ZNF717: variants seen among roughly 807,000 people sequenced by gnomAD.
The protein encoded by ZNF717 is zinc finger protein 717.
In ZNF717, 9 loss-of-function variants were observed where a neutral mutation model predicts 13.8. That is an observed-to-expected ratio of 0.65 (90% CI 0.39 to 1.14). The LOEUF (loss-of-function observed/expected upper bound fraction) is 1.14. Ranked by LOEUF, ZNF717 falls within the 50% of genes most tolerant of loss-of-function variation. The pLI, the probability that ZNF717 is intolerant of heterozygous loss-of-function variation, is 0.01. For missense variants in ZNF717, 1,040 were observed against 1,080.7 expected (o/e 0.96, Z 0.53); for synonymous variants, 327 against 364.1 (o/e 0.90, Z 1.16).
At chr3:75,730,532 A>T (rs1938469065) in exon 6 of ZNF717, 10 of 684,012 alleles carry the variant, frequency 1.5e-5, no homozygotes, top group Admixed American at 1.3e-4. Context: ...TGGACACATC[A>T]TGTTTGAAAT....
At chr3:75,730,846 A>C (rs1938488559) in intron 5 of ZNF717, among the ~76,000 whole-genome samples, 1 of 152,272 alleles carries the variant, frequency 6.6e-6, no homozygotes, top group East Asian at 1.9e-4. Context: ...ACAATTCATC[A>C]TATTCAGAGT....
In ZNF717 at chr3:75,739,007, G is replaced by T. The variant is rs3009004; in HGVS notation, c.616C>A (p.Leu206Met). ...LTQHHKIQTLLQTFQCNEQGK... is the reference protein window; with the variant it reads ...LTQHHKIQTLMQTFQCNEQGK... ...TGTTCATTACATTGAAAAGTCTGCA[G>T]CAGAGTTTGAATCTTGTGATGCTGA... is the stretch of plus-strand genomic sequence containing the variant. Residue 206 changes from leucine to methionine, a missense_variant, in exon 5 of 5, where the codon CTG (leucine) becomes ATG (methionine). Around this residue, in one of 3 missense-constraint regions of ZNF717, gnomAD observed 873 missense variants for 832.8 expected, o/e 1.05. Coordinates refer to ENST00000652011, the MANE Select transcript of ZNF717 (RefSeq NM_001290208.3). 1 of 1,532,928 alleles carries T rather than the reference G, an allele frequency of 6.5e-7. No individual in the cohort carries two copies. Among genetic ancestry groups the T allele is most frequent in the African/African-American group, 1.4e-5 (1 of 72,132 alleles). The allele number at this position is 1,532,928 out of a possible 1,614,324, so 95.0% of individuals were successfully genotyped here.
exon 6 of ZNF717, chr3:75,709,666 T>C (rs1395119244): frequency 1.3e-5 from 2 of 152,214 alleles, no homozygotes; most frequent in Admixed American, 6.5e-5. Flanking sequence ...ACGGACTTTG[T>C]GCAAGGTTGT....
chr3:75,733,687 G>A (rs796922329), downstream of ZNF717, among the ~76,000 whole-genome samples: 66 of 144,878 alleles, frequency 4.6e-4, no homozygotes, highest in African/African-American at 1.3e-3. Context: ...GCTGAGGCAG[G>A]AGAATGGTAT....
intron 4 of ZNF717, among the ~76,000 whole-genome samples, chr3:75,718,738 T>C (rs1484773293): frequency 6.6e-6 from 1 of 152,158 alleles, no homozygotes; most frequent in Non-Finnish European, 1.5e-5. Flanking sequence ...TTGGGGTTCG[T>C]ACTCCTATGA....
At chr3:75,770,818 A>G (rs1943822400) in intron 2 of ZNF717, among the ~76,000 whole-genome samples, 1 of 152,204 alleles carries the variant, frequency 6.6e-6, no homozygotes, top group Admixed American at 6.5e-5. Flanking sequence ...GGAAAGACTA[A>G]AGAGGTCTAA....
Position 75,737,680 on chromosome 3 carries a change from A to T in ZNF717, c.1943T>A (p.Val648Glu), listed in dbSNP as rs1220427240. Reference protein sequence around the residue: ...QGTHTGEKPYVCNECGKTFHR... With the variant: ...QGTHTGEKPYECNECGKTFHR... ...AAAGGTTTTTCCACATTCATTACAT[A>T]CGTAAGGTTTCTCTCCTGTGTGAGT... is the stretch of plus-strand genomic sequence containing the variant. Residue 648 changes from valine to glutamate, a missense_variant, in exon 5 of 5, where the codon GTA (valine) becomes GAA (glutamate). Transcript: ENST00000652011. The T allele has an allele frequency of 1.3e-6, 2 of 1,536,446 alleles. No homozygotes were observed. The highest frequency in any genetic ancestry group is 2.0e-5 in the Admixed American group (1 of 50,328).
exon 6 of ZNF717, chr3:75,710,257 T>C (rs1937903836): frequency 6.6e-6 from 1 of 152,264 alleles, no homozygotes; most frequent in African/African-American, 2.4e-5. Flanking sequence ...GACAACTAAT[T>C]GAATAAATCA....
At position 75,737,136 on chromosome 3, in the gene ZNF717, G is replaced by T; in HGVS notation, c.2487C>A (p.Leu829=). The T allele has an allele frequency of 6.4e-7, 1 of 1,565,730 alleles. No individual in the cohort carries two copies. The highest frequency in any genetic ancestry group is 1.2e-5 in the South Asian group (1 of 85,512). The stretch of plus-strand genomic sequence containing the variant: ...CTGTGTGAGTTCTGTGATGTACAAA[G>T]AGTTTTGACTTCTGGGAGAAGGTTT... ...CRKTFSQKSK[L]FVHHRTHTGE... The change falls in exon 5 of 5, where the codon CTC becomes CTA. Residue 829 remains leucine (L), a synonymous_variant. Transcript: ENST00000652011.
rs1305983738 is a variant in ZNF717 at position 75,746,047 on chromosome 3, C to T, written c.58-4311G>A. Among the ~76,000 whole-genome samples the T allele has an allele frequency of 2.2e-3, 334 of 152,122 alleles. 6 individuals carry two copies. The highest frequency in any genetic ancestry group is 0.018 in the Admixed American group (268 of 15,270). On this transcript the variant is annotated intron_variant, in intron 2 of 4. Transcript: ENST00000652011. Reference sequence around the variant, plus strand: ...GCTCCCCCTACCCCACAACAAGCCCCGGTGTGTGATGTTCCCCTTCCTGTG... The same window carrying T: ...GCTCCCCCTACCCCACAACAAGCCCTGGTGTGTGATGTTCCCCTTCCTGTG...
downstream of ZNF717, among the ~76,000 whole-genome samples, chr3:75,734,065 ATTTATT>A (rs1194649036): frequency 6.6e-5 from 10 of 151,736 alleles, no homozygotes; most frequent in East Asian, 1.9e-4. Context: ...CCTACATTTT[ATTTATT>A]TTTATTTATT....
intron 1 of ZNF717, among the ~76,000 whole-genome samples, chr3:75,784,106 G>T (rs912440244): frequency 1.3e-5 from 2 of 152,166 alleles, no homozygotes; most frequent in Admixed American, 6.5e-5. Context: ...GAGACACAGG[G>T]CCTAGCCAAG....
rs553259463 is a variant in ZNF717, at chr3:75,782,860, C to T, written c.57+446G>A. Reference sequence around the variant, plus strand: ...CTTTAGCGGATGACGACCGTTTCCACTGCACAACATGCCGTGCTTTAGCAG... The same window carrying T: ...CTTTAGCGGATGACGACCGTTTCCATTGCACAACATGCCGTGCTTTAGCAG... On this transcript the variant is annotated intron_variant, in intron 2 of 4. Coordinates refer to ENST00000652011, the MANE Select transcript of ZNF717 (RefSeq NM_001290208.3). Among the ~76,000 whole-genome samples, 8 of 152,256 alleles carry T rather than the reference C, an allele frequency of 5.3e-5. No individual in the cohort carries two copies. In the East Asian group the frequency reaches 5.8e-4, roughly 11 times the overall value.
chr3:75,715,517 T>C (rs1938030921), intron 5 of ZNF717, among the ~76,000 whole-genome samples: 1 of 152,264 alleles, frequency 6.6e-6, no homozygotes, highest in Non-Finnish European at 1.5e-5. Flanking sequence ...TATTTTTCTC[T>C]TATATTAACT....
At chr3:75,705,616 C>T (rs1416479184), downstream of ZNF717, among the ~76,000 whole-genome samples, 1 of 152,322 alleles carries the variant, frequency 6.6e-6, no homozygotes, top group African/African-American at 2.4e-5. Context: ...TTCTCCCTCC[C>T]CTTCAAGTCT....
intron 2 of ZNF717, among the ~76,000 whole-genome samples, chr3:75,748,711 C>T (rs762175362): frequency 3.3e-5 from 5 of 152,088 alleles, no homozygotes; most frequent in East Asian, 3.9e-4. Context: ...AAGAGCTATT[C>T]GTGACAAACG....
At chr3:75,782,799 C>T (rs946042963) in intron 2 of ZNF717, among the ~76,000 whole-genome samples, 2 of 152,158 alleles carry the variant, frequency 1.3e-5, no homozygotes, top group Admixed American at 6.5e-5. Context: ...CGTGCTTTAG[C>T]GGCAGATGAC....
At chr3:75,768,426 G>A (rs562389078) in intron 2 of ZNF717, among the ~76,000 whole-genome samples, 9 of 146,892 alleles carry the variant, frequency 6.1e-5, no homozygotes, top group South Asian at 2.2e-4. Context: ...TGAGTGTGTC[G>A]GGGGGCAGAT....
chr3:75,705,769 T>C (rs1937792287), downstream of ZNF717, among the ~76,000 whole-genome samples: 1 of 152,312 alleles, frequency 6.6e-6, no homozygotes, highest in South Asian at 2.1e-4. Context: ...TATAGGTATA[T>C]GTACCCTTTT....
Sources: allele counts gnomAD v4.1 joint callset (sites outside exome capture counted in the v4.1 genomes callset), GRCh38; gene constraint gnomAD v4.1.1; regional missense constraint gnomAD v4.1.1; transcripts MANE v1.5; gene names NCBI Gene and HGNC (gene_info 2026-07-23, HGNC 2026-07-21).